Variants in PIP4P2 observed in about 807,000 individuals in gnomAD.
The protein encoded by PIP4P2 is phosphatidylinositol-4,5-bisphosphate 4-phosphatase 2.
PIP4P2 carries 19 observed loss-of-function variants against 33.3 expected under a neutral mutation model. The observed-to-expected ratio is 0.57, with a 90% CI of 0.40 to 0.84. PIP4P2 has a LOEUF of 0.84. PIP4P2 is among the 40% of genes least tolerant of loss of function. The pLI is 0.00. For synonymous variants in PIP4P2, 110 were observed against 111.9 expected, an observed-to-expected ratio of 0.98 and a Z score of 0.11; for missense variants, 270 against 324.7, an observed-to-expected ratio of 0.83 and a Z score of 1.29.
chr8:91,013,621 A>G (rs931661157), intron 4 of PIP4P2, among the ~76,000 whole-genome samples: 1 of 152,118 alleles, frequency 6.6e-6, no homozygotes, highest in African/African-American at 2.4e-5. Flanking sequence ...TGCAACCTCC[A>G]ACTCCTGGGC....
intron 6 of PIP4P2, 54 bp downstream of exon 6, chr8:90,996,600 G>T: frequency 6.8e-7 from 1 of 1,476,016 alleles, no homozygotes; most frequent in Non-Finnish European, 9.3e-7. Flanking sequence ...CCTCATGATT[G>T]ACTACTGATA....
chr8:91,032,780 CAAAAAA>C (rs34482470), intron 1 of PIP4P2, among the ~76,000 whole-genome samples: 1 of 98,754 alleles, frequency 1.0e-5, no homozygotes, highest in Non-Finnish European at 2.0e-5. Flanking sequence ...GAGTCTGTCT[CAAAAAA>C]AAAAAAAAAA....
chr8:91,038,760 C>T (rs1812266541), intron 1 of PIP4P2, among the ~76,000 whole-genome samples: 1 of 152,114 alleles, frequency 6.6e-6, no homozygotes, highest in Non-Finnish European at 1.5e-5. Flanking sequence ...ATGCTTCTTC[C>T]TTAGTAGGTG....
At chr8:91,002,946 ATCCC>A (rs1439256841) in intron 5 of PIP4P2, among the ~76,000 whole-genome samples, 1 of 152,182 alleles carries the variant, frequency 6.6e-6, no homozygotes, top group Non-Finnish European at 1.5e-5. Flanking sequence ...AAACAAAGAT[ATCCC>A]TAGAAAAGTT....
In PIP4P2 at chr8:91,018,404, C is replaced by T; in HGVS notation, c.472G>A (p.Gly158Arg). The T allele has an allele frequency of 1.9e-6, 3 of 1,613,876 alleles. No homozygotes were observed. The highest frequency in any genetic ancestry group is 2.5e-6 in the Non-Finnish European group (3 of 1,179,880). Residue 158 changes from glycine to arginine, a missense_variant, in exon 4 of 7, where the codon GGA becomes AGA. By Grantham distance (125) the Gly-to-Arg change is moderately radical (BLOSUM62 -2). Coordinates refer to ENST00000285419, the MANE Select transcript of PIP4P2 (RefSeq NM_018710.3). ...EGTRVVCGHCGNTFLWMELRF... is the reference protein window; with the variant it reads ...EGTRVVCGHCRNTFLWMELRF... ...CAGTGACTTACCAGGAATGTGTTTC[C>T]ACAGTGCCCACACACGACCCTTGTA...
At chr8:91,017,324 G>A (rs1207428550) in intron 4 of PIP4P2, among the ~76,000 whole-genome samples, 1 of 152,008 alleles carries the variant, frequency 6.6e-6, no homozygotes. Flanking sequence ...GCTTGAACCC[G>A]GGAGGCAGGG....
chr8:91,024,263 G>T, intron 1 of PIP4P2: 2 of 415,716 alleles, frequency 4.8e-6, no homozygotes, highest in Non-Finnish European at 9.7e-6. Context: ...TGTACTTTTG[G>T]CCTTTCCCTT....
intron 5 of PIP4P2, among the ~76,000 whole-genome samples, chr8:91,000,352 A>G (rs1385199362): frequency 6.7e-6 from 1 of 148,642 alleles, no homozygotes; most frequent in Non-Finnish European, 1.5e-5. Flanking sequence ...CACTGCAGAA[A>G]TTTCTTCTGG....
intron 4 of PIP4P2, among the ~76,000 whole-genome samples, chr8:91,009,899 A>G (rs939514937): frequency 3.3e-5 from 5 of 151,920 alleles, no homozygotes; most frequent in Non-Finnish European, 5.9e-5. Context: ...ACAGGAACAT[A>G]TAGTCCCAAG....
rs1811986038 is a variant in PIP4P2, at chr8:91,020,158, A to G, written c.361T>C (p.Cys121Arg). 6.2e-7 allele frequency: 1 copy of G among 1,612,946 alleles called. No individual in the cohort carries two copies. The highest frequency in any genetic ancestry group is 8.5e-7 in the Non-Finnish European group (1 of 1,179,258). ...SRRIGCPRPNCRRIINLGPVM... is the reference protein window; with the variant it reads ...SRRIGCPRPNRRRIINLGPVM... ...AATGAATTAATCTTTATCTCTTACC[A>G]GTTGGGTCTTGGGCATCCTATTCGC... Residue 121 changes from cysteine to arginine, a missense_variant and splice_region_variant, in exon 3 of 7, where the codon TGT (cysteine) becomes CGT (arginine). Transcript: ENST00000285419.
At chr8:91,025,470 T>G (rs960990898) in intron 1 of PIP4P2, among the ~76,000 whole-genome samples, 1 of 152,194 alleles carries the variant, frequency 6.6e-6, no homozygotes, top group Non-Finnish European at 1.5e-5. Context: ...TCATCTTTTC[T>G]CAGATATATC....
chr8:91,000,007 T>C (rs114544930), intron 5 of PIP4P2, among the ~76,000 whole-genome samples: 81 of 152,138 alleles, frequency 5.3e-4, no homozygotes, highest in African/African-American at 1.7e-3. Context: ...ACCATGACTC[T>C]TTCATTTCAT....
rs1398914961 is a variant in PIP4P2, at chr8:90,994,282, T to C, written c.*1395A>G. The C allele has an allele frequency of 6.6e-6, 1 of 152,108 alleles. No homozygotes were observed. The highest frequency in any genetic ancestry group is 1.5e-5 in the Non-Finnish European group (1 of 67,958). 9.4% of individuals were successfully genotyped at this position (152,108 alleles called of 1,614,324 possible). On this transcript the variant is annotated 3_prime_UTR_variant, in exon 7 of 7. Coordinates refer to ENST00000285419, the MANE Select transcript of PIP4P2 (RefSeq NM_018710.3). ...ATAAAACAAGGTAATTTTTGAACAA[T>C]AATCTTTATTAGTGTATTTTTAAAG... is the stretch of plus-strand genomic sequence containing the variant.
At position 90,994,159 on chromosome 8, in the gene PIP4P2, A is replaced by G. The variant is rs1433865839; in HGVS notation, c.*1518T>C. The G allele has an allele frequency of 6.6e-6, 1 of 152,182 alleles. No homozygotes were observed. The highest frequency in any genetic ancestry group is 6.5e-5 in the Admixed American group (1 of 15,278). The allele number at this position is 152,182 out of a possible 1,614,324, so 9.4% of individuals were successfully genotyped here. A position where few individuals can be genotyped will look rare whatever the true frequency, so the allele number is the denominator to read the frequency against. Reference sequence around the variant, plus strand: ...CATTTGAAAATAGTACAAAAAACATAAATGAATATTATATAAAGAAACAGG... The same window carrying G: ...CATTTGAAAATAGTACAAAAAACATGAATGAATATTATATAAAGAAACAGG... On this transcript the variant is annotated 3_prime_UTR_variant, in exon 7 of 7. Transcript: ENST00000285419.
chr8:91,003,024 C>T (rs1248372274), intron 5 of PIP4P2, among the ~76,000 whole-genome samples: 2 of 152,216 alleles, frequency 1.3e-5, no homozygotes, highest in African/African-American at 4.8e-5. Context: ...TGATAGTAAA[C>T]CATATGGTAC....
chr8:91,037,489 A>C (rs966649471), intron 1 of PIP4P2, among the ~76,000 whole-genome samples: 4 of 152,106 alleles, frequency 2.6e-5, no homozygotes, highest in African/African-American at 7.2e-5. Flanking sequence ...TTATACTCTC[A>C]AGGTATTGCA....
intron 1 of PIP4P2, among the ~76,000 whole-genome samples, chr8:91,035,481 C>A (rs1017212247): frequency 6.6e-6 from 1 of 152,160 alleles, no homozygotes; most frequent in Non-Finnish European, 1.5e-5. Flanking sequence ...TGCATGAAGA[C>A]TCCTTTCTTG....
At chr8:91,039,468 T>C (rs1384071173) in intron 1 of PIP4P2, among the ~76,000 whole-genome samples, 1 of 152,234 alleles carries the variant, frequency 6.6e-6, no homozygotes, top group Non-Finnish European at 1.5e-5. Flanking sequence ...AGTTACAAAA[T>C]GTTAAATAGA....
intron 1 of PIP4P2, among the ~76,000 whole-genome samples, chr8:91,028,620 G>A (rs776860268): frequency 1.3e-5 from 2 of 152,176 alleles, no homozygotes; most frequent in African/African-American, 2.4e-5. Context: ...CAGTAAAATT[G>A]CCAACTTTGT....
Sources: allele counts gnomAD v4.1 joint callset (sites outside exome capture counted in the v4.1 genomes callset), GRCh38; gene constraint gnomAD v4.1.1; transcripts MANE v1.5; gene names NCBI Gene and HGNC (gene_info 2026-07-23, HGNC 2026-07-21).